MMP16: variants seen among roughly 807,000 people sequenced by gnomAD.
MMP16 encodes the protein matrix metalloproteinase-16.
In MMP16, 12 loss-of-function variants were observed where a neutral mutation model predicts 67.8. The ratio of observed to expected loss-of-function variants is 0.18; its 90% confidence interval spans 0.11 to 0.29. The LOEUF (loss-of-function observed/expected upper bound fraction) is 0.29, where lower values mean the gene tolerates loss of function less well. MMP16 is among the 10% of genes least tolerant of loss of function. The pLI, the probability that MMP16 is intolerant of heterozygous loss-of-function variation, is 1.00. For synonymous variants in MMP16, 249 were observed against 255.9 expected (o/e 0.97, Z 0.26); for missense variants, 475 against 765.7 (o/e 0.62, Z 4.48).
Position 88,043,019 on chromosome 8 carries a change from G to T in MMP16, c.1490-1224C>A, listed in dbSNP as rs576188869. Among the ~76,000 whole-genome samples the T allele has an allele frequency of 2.6e-5, 4 of 152,246 alleles. No homozygotes were observed. In the East Asian group the frequency reaches 5.8e-4, roughly 22 times the overall value. On this transcript the variant is annotated intron_variant, in intron 9 of 9. Coordinates refer to ENST00000286614, the MANE Select transcript of MMP16 (RefSeq NM_005941.5). Reference sequence around the variant, plus strand: ...AAGGCAAAATTCATAGTTTATAATCGTTAATGAAGGTAATATTTTTTCCTG... The same window carrying T: ...AAGGCAAAATTCATAGTTTATAATCTTTAATGAAGGTAATATTTTTTCCTG...
intron 1 of MMP16, among the ~76,000 whole-genome samples, chr8:88,315,401 A>G (rs1811361886): frequency 6.6e-6 from 1 of 152,194 alleles, no homozygotes; most frequent in Non-Finnish European, 1.5e-5. Context: ...TTTCTGAGAA[A>G]TATCTTGTAG....
chr8:88,075,976 A>ACACAC (rs1400489880), intron 6 of MMP16, among the ~76,000 whole-genome samples: 24 of 46,062 alleles, frequency 5.2e-4, no homozygotes, highest in African/African-American at 1.7e-3. Context: ...CACACACACA[A>ACACAC]AATCTACTGA....
At chr8:88,102,086 CTG>C (rs1211763831) in intron 6 of MMP16, among the ~76,000 whole-genome samples, 1 of 151,864 alleles carries the variant, frequency 6.6e-6, no homozygotes, top group Non-Finnish European at 1.5e-5. Flanking sequence ...TCAACATGGA[CTG>C]TGTTTTCTGT....
chr8:88,160,181 C>T (rs1288918343), intron 4 of MMP16, among the ~76,000 whole-genome samples: 1 of 151,970 alleles, frequency 6.6e-6, no homozygotes, highest in East Asian at 2.0e-4. Flanking sequence ...TACATGTGTT[C>T]TCATTGCTCA....
intron 6 of MMP16, among the ~76,000 whole-genome samples, chr8:88,111,384 C>T (rs997371370): frequency 1.3e-5 from 2 of 151,710 alleles, no homozygotes; most frequent in African/African-American, 2.4e-5. Context: ...TGCTGCTCTA[C>T]ATACTGCAGT....
chr8:88,249,873 C>T (rs907750673), intron 1 of MMP16, among the ~76,000 whole-genome samples: 5 of 152,062 alleles, frequency 3.3e-5, no homozygotes, highest in Non-Finnish European at 2.9e-5. Context: ...GAGGGCCCAA[C>T]TGGGAAAGGG....
chr8:88,296,854 A>AC lies in MMP16; in HGVS notation c.132+30220_132+30221insG, dbSNP rs549561667. Among the ~76,000 whole-genome samples the AC allele has an allele frequency of 5.3e-3, 799 of 151,952 alleles. 8 individuals carry two copies. Among genetic ancestry groups the AC allele is most frequent in the African/African-American group, 0.018 (758 of 41,392 alleles). ...AGTCAGACACTGCCTAAAAAAAAAA[A>AC]AAAACAGCTTGCAATAAAGTAGATA... On this transcript the variant is annotated intron_variant, in intron 1 of 9. Coordinates refer to ENST00000286614, the MANE Select transcript of MMP16 (RefSeq NM_005941.5).
intron 1 of MMP16, among the ~76,000 whole-genome samples, chr8:88,256,742 C>T (rs1273232951): frequency 6.6e-6 from 1 of 151,798 alleles, no homozygotes; most frequent in Non-Finnish European, 1.5e-5. Context: ...ACAGTACACA[C>T]TTATAACTCA....
intron 2 of MMP16, among the ~76,000 whole-genome samples, chr8:88,189,344 T>C (rs1178484437): frequency 6.6e-6 from 1 of 152,134 alleles, no homozygotes; most frequent in Admixed American, 6.5e-5. Flanking sequence ...ATGATATTCC[T>C]ACCCCAAACT....
chr8:88,239,487 G>T (rs2129897058), intron 1 of MMP16, among the ~76,000 whole-genome samples: 1 of 151,530 alleles, frequency 6.6e-6, no homozygotes, highest in Admixed American at 6.6e-5. Flanking sequence ...CATTATCTTG[G>T]CATCTACCGT....
intron 6 of MMP16, among the ~76,000 whole-genome samples, chr8:88,110,321 T>C (rs751503388): frequency 1.5e-4 from 22 of 151,534 alleles, no homozygotes; most frequent in Non-Finnish European, 3.0e-4. Context: ...TTTTAAAGCA[T>C]AATTGCAATT....
At chr8:88,288,756 T>A (rs1225841343) in intron 1 of MMP16, among the ~76,000 whole-genome samples, 3 of 152,230 alleles carry the variant, frequency 2.0e-5, no homozygotes, top group African/African-American at 7.2e-5. Flanking sequence ...TATCAAGATT[T>A]GATTTAGTGT....
chr8:88,199,647 G>A (rs535530686), intron 1 of MMP16, among the ~76,000 whole-genome samples: 1 of 151,822 alleles, frequency 6.6e-6, no homozygotes, highest in South Asian at 2.1e-4. Flanking sequence ...TTAATGACTT[G>A]GCATGTAGTC....
intron 6 of MMP16, among the ~76,000 whole-genome samples, chr8:88,109,732 G>T (rs1002904245): frequency 6.6e-6 from 1 of 151,122 alleles, no homozygotes. Flanking sequence ...GCATTTTGAA[G>T]TATGAATTGT....
chr8:88,149,671 TAACA>T (rs1372270696), intron 4 of MMP16, among the ~76,000 whole-genome samples: 7 of 150,992 alleles, frequency 4.6e-5, no homozygotes, highest in Non-Finnish European at 8.9e-5. Flanking sequence ...GAAGGAAAAC[TAACA>T]AACAGAAAGG....
intron 1 of MMP16, among the ~76,000 whole-genome samples, chr8:88,293,269 T>C (rs1810954791): frequency 6.6e-6 from 1 of 152,154 alleles, no homozygotes; most frequent in Admixed American, 6.6e-5. Context: ...TGTTTCCTCT[T>C]ATTACCTATT....
Position 88,041,200 on chromosome 8 carries a change from G to T in MMP16, c.*261C>A. The T allele has an allele frequency of 2.8e-6, 1 of 363,558 alleles. No homozygotes were observed. 22.5% of individuals were successfully genotyped at this position (363,558 alleles called of 1,614,324 possible). On this transcript the variant is annotated 3_prime_UTR_variant, in exon 10 of 10. Coordinates refer to ENST00000286614, the MANE Select transcript of MMP16 (RefSeq NM_005941.5). This position sits in a 1 kb window ranked among gnomAD's most constrained non-coding sequence, Gnocchi z 6.0. ...CCTGAAATTTTACTGGGCATTGAGC[G>T]TGCAGAGGAAAGGCCTAGAACTGAA...
chr8:88,041,652 G>C lies in MMP16; in HGVS notation c.1633C>G (p.Pro545Ala). 6.2e-7 allele frequency: 1 copy of C among 1,614,088 alleles called. No homozygotes were observed. The highest frequency in any genetic ancestry group is 8.5e-7 in the Non-Finnish European group (1 of 1,179,992). ...ATGACAATGTCTACATCATCTGGTG[G>C]GCTGTGTCCTTCTTTAACTCTGTCT... ...PTDRVKEGHS[P>A]PDDVDIVIKL... The change falls in exon 10 of 10, where the codon CCA becomes GCA. Residue 545 changes from proline (P) to alanine (A), a missense_variant. Pro to Ala is a conservative substitution (Grantham distance 27, BLOSUM62 -1). Transcript: ENST00000286614. The surrounding 1 kb of genome is among the most constrained non-coding windows in gnomAD (Gnocchi z 6.0).
chr8:88,077,982 A>G (rs1808678997), intron 6 of MMP16, among the ~76,000 whole-genome samples: 1 of 152,130 alleles, frequency 6.6e-6, no homozygotes, highest in East Asian at 1.9e-4. Context: ...AGAAAGATGA[A>G]TAACCCTTAT....
Sources: gnomAD v4.1 joint callset for allele counts (sites outside exome capture counted in the v4.1 genomes callset) on GRCh38, gnomAD v4.1.1 for gene constraint, Gnocchi (gnomAD v3.1) non-coding constraint, MANE v1.5 for transcripts, NCBI Gene and HGNC (gene_info 2026-07-23, HGNC 2026-07-21) for gene names.